Variants in ADGRL2 observed in about 807,000 individuals in gnomAD.
ADGRL2 encodes the protein calcium-independent alpha-latrotoxin receptor 2.
In ADGRL2, 44 loss-of-function variants were observed where a neutral mutation model predicts 157.4. That is an observed-to-expected ratio of 0.28 (90% confidence interval 0.22 to 0.36). The LOEUF is 0.36. Ranked by LOEUF, ADGRL2 falls within the 10% of genes least tolerant of loss-of-function variation. ADGRL2 has a pLI of 1.00. For synonymous variants in ADGRL2, 585 were observed against 624.7 expected, an observed-to-expected ratio of 0.94 and a Z score of 0.95; for missense variants, 1,510 against 1,768.9, an observed-to-expected ratio of 0.85 and a Z score of 2.63.
chr1:81,743,244 G>A (rs1299868057), intron 1 of ADGRL2, among the ~76,000 whole-genome samples: 1 of 151,990 alleles, frequency 6.6e-6, no homozygotes, highest in African/African-American at 2.4e-5. Context: ...AAGAATGTAG[G>A]GAATGAATGG....
At chr1:81,865,050 T>C (rs538325700) in intron 2 of ADGRL2, among the ~76,000 whole-genome samples, 1 of 152,258 alleles carries the variant, frequency 6.6e-6, no homozygotes, top group Non-Finnish European at 1.5e-5. Flanking sequence ...ACTTTGTAGG[T>C]AGCAGATTGT....
rs192165304 is a variant in ADGRL2 at position 81,612,877 on chromosome 1, T to G, written c.-143+31897T>G. On this transcript the variant is annotated intron_variant, in intron 3 of 24. Transcript: ENST00000370721. ...TCACAATGAGCTATCACTTCACATC[T>G]GTCAGGATGACTGTTAACAAAAACA... is the stretch of plus-strand genomic sequence containing the variant. 4.6e-3 allele frequency among the ~76,000 whole-genome samples: 707 copies of G among 152,318 alleles called. 1 individual carries two copies. Among genetic ancestry groups the G allele is most frequent in the South Asian group, 0.01 (50 of 4,832 alleles).
At chr1:81,897,845 G>A (rs947687833) in intron 2 of ADGRL2, among the ~76,000 whole-genome samples, 2 of 152,074 alleles carry the variant, frequency 1.3e-5, no homozygotes, top group African/African-American at 2.4e-5. Context: ...TATTTAAGTT[G>A]ATTTTACTTA....
chr1:81,306,765 T>C (rs770530768), intron 1 of ADGRL2, among the ~76,000 whole-genome samples: 3 of 152,216 alleles, frequency 2.0e-5, no homozygotes, highest in Non-Finnish European at 2.9e-5. Flanking sequence ...AATGTAGAAA[T>C]ATAATCCTCT....
intron 2 of ADGRL2, among the ~76,000 whole-genome samples, chr1:81,865,118 T>G (rs2093501585): frequency 6.6e-6 from 1 of 152,232 alleles, no homozygotes; most frequent in Non-Finnish European, 1.5e-5. Context: ...CAAACAGGCT[T>G]TACTCTTACA....
chr1:81,339,991 TTC>T (rs1282858940), intron 1 of ADGRL2, among the ~76,000 whole-genome samples: 1 of 152,200 alleles, frequency 6.6e-6, no homozygotes, highest in Non-Finnish European at 1.5e-5. Context: ...CCTTAAGAGA[TTC>T]TCAAAAAGAG....
chr1:81,777,926 G>A (rs1195604305), intron 2 of ADGRL2, among the ~76,000 whole-genome samples: 1 of 152,058 alleles, frequency 6.6e-6, no homozygotes, highest in East Asian at 1.9e-4. Flanking sequence ...AAAGACAAAG[G>A]TCTGTGGTAT....
At chr1:81,565,750 T>G (rs1439930720) in intron 2 of ADGRL2, among the ~76,000 whole-genome samples, 1 of 152,190 alleles carries the variant, frequency 6.6e-6, no homozygotes, top group African/African-American at 2.4e-5. Context: ...AAAAGCACAT[T>G]AGCCTTTCTT....
At chr1:81,327,740 T>A (rs1056238775) in intron 1 of ADGRL2, among the ~76,000 whole-genome samples, 1 of 152,210 alleles carries the variant, frequency 6.6e-6, no homozygotes, top group Non-Finnish European at 1.5e-5. Context: ...CCTCTGTATG[T>A]TAAATGATCA....
intron 9 of ADGRL2, 67 bp downstream of exon 9, chr1:81,952,209 C>T: frequency 3.1e-6 from 4 of 1,301,050 alleles, no homozygotes; most frequent in Non-Finnish European, 4.2e-6. Context: ...TGTCTTATAG[C>T]AGTTGAGAGC....
chr1:81,592,571 G>A (rs2081153412), intron 3 of ADGRL2, among the ~76,000 whole-genome samples: 1 of 152,122 alleles, frequency 6.6e-6, no homozygotes, highest in East Asian at 1.9e-4. Flanking sequence ...AACTTGACTT[G>A]GGATCTCTAA....
intron 1 of ADGRL2, among the ~76,000 whole-genome samples, chr1:81,346,979 G>A (rs1662525872): frequency 6.6e-6 from 1 of 152,138 alleles, no homozygotes; most frequent in Non-Finnish European, 1.5e-5. Context: ...AGCTACATTA[G>A]ATATACAGAC....
At chr1:81,331,990 T>A (rs985107315) in intron 1 of ADGRL2, among the ~76,000 whole-genome samples, 3 of 152,116 alleles carry the variant, frequency 2.0e-5, no homozygotes, top group Non-Finnish European at 4.4e-5. Flanking sequence ...ACAAGTTAAA[T>A]CAATATTACA....
intron 1 of ADGRL2, among the ~76,000 whole-genome samples, chr1:81,329,582 A>T (rs1182279153): frequency 1.3e-5 from 2 of 152,212 alleles, no homozygotes; most frequent in African/African-American, 4.8e-5. Flanking sequence ...CTGTTAGCTA[A>T]GATCTTTTAG....
intron 2 of ADGRL2, among the ~76,000 whole-genome samples, chr1:81,874,073 C>T (rs2093767183): frequency 6.6e-6 from 1 of 152,044 alleles, no homozygotes; most frequent in Non-Finnish European, 1.5e-5. Context: ...CACTCATAAA[C>T]TTTCAAAATC....
intron 1 of ADGRL2, among the ~76,000 whole-genome samples, chr1:81,340,982 G>A (rs1260252771): frequency 2.0e-5 from 3 of 151,734 alleles, no homozygotes; most frequent in African/African-American, 4.8e-5. Flanking sequence ...CAATGGGCAT[G>A]CACTGCTCTT....
At chr1:81,349,784 C>T (rs1030500510) in intron 1 of ADGRL2, among the ~76,000 whole-genome samples, 4 of 151,866 alleles carry the variant, frequency 2.6e-5, no homozygotes, top group African/African-American at 4.8e-5. Context: ...TCAGATCAGA[C>T]CACATATTTA....
At chr1:81,856,635 G>C (rs3790934) in intron 2 of ADGRL2, among the ~76,000 whole-genome samples, 21,347 of 152,080 alleles carry the variant, frequency 0.14, 1,663 homozygotes, top group East Asian at 0.19. Context: ...ATGAATGTCA[G>C]GAGTCAAGGT....
At chr1:81,528,166 G>C (rs757334853) in intron 2 of ADGRL2, among the ~76,000 whole-genome samples, 1 of 152,130 alleles carries the variant, frequency 6.6e-6, no homozygotes, top group Non-Finnish European at 1.5e-5. Context: ...TCAACCTCCC[G>C]ACCTCCAGAA....
Sources: allele counts gnomAD v4.1 joint callset (sites outside exome capture counted in the v4.1 genomes callset), GRCh38; gene constraint gnomAD v4.1.1; transcripts MANE v1.5; gene names NCBI Gene and HGNC (gene_info 2026-07-23, HGNC 2026-07-21).